ARMC9: variants seen among roughly 807,000 people sequenced by gnomAD.
ARMC9 encodes armadillo repeat containing 9.
Under a neutral mutation model 107.0 loss-of-function variants are expected in ARMC9, and 94 were observed. The observed-to-expected ratio is 0.88, with a 90% CI of 0.74 to 1.04. ARMC9 has a LOEUF of 1.04. Ranked by LOEUF, ARMC9 falls within the 50% of genes least tolerant of loss-of-function variation. The pLI, the probability that ARMC9 is intolerant of heterozygous loss-of-function variation, is 0.00. For missense variants in ARMC9, 942 were observed against 1,030.1 expected (o/e 0.91, Z 1.17); for synonymous variants, 380 against 396.9 (o/e 0.96, Z 0.51).
At chr2:231,279,885 A>G (rs1344584837) in intron 16 of ARMC9, among the ~76,000 whole-genome samples, 2 of 151,950 alleles carry the variant, frequency 1.3e-5, no homozygotes, top group Non-Finnish European at 2.9e-5. Flanking sequence ...CTATCCACTG[A>G]TTGGTGTGAC....
intron 7 of ARMC9, 127 bp downstream of exon 7, chr2:231,226,925 G>A (rs576480425): frequency 2.6e-6 from 3 of 1,136,784 alleles, no homozygotes; most frequent in African/African-American, 3.2e-5. Context: ...TTTATGAAAG[G>A]CTTTGCAGTC....
chr2:231,294,287 C>G (rs967843542), intron 18 of ARMC9: 1 of 152,262 alleles, frequency 6.6e-6, no homozygotes, highest in Admixed American at 6.5e-5. Context: ...AGAGATTTGT[C>G]CCCTGGCTTG....
intron 19 of ARMC9, among the ~76,000 whole-genome samples, chr2:231,307,045 A>G (rs1051974110): frequency 4.6e-5 from 7 of 152,166 alleles, no homozygotes; most frequent in African/African-American, 1.7e-4. Context: ...GCAAACCTCA[A>G]GGTGCCCCTG....
intron 19 of ARMC9, among the ~76,000 whole-genome samples, chr2:231,310,585 G>T (rs1174416928): frequency 2.6e-5 from 4 of 151,906 alleles, no homozygotes; most frequent in Non-Finnish European, 5.9e-5. Context: ...ACAAAAATTA[G>T]CCAGGTGTGG....
chr2:231,259,216 T>A, intron 11 of ARMC9, 114 bp downstream of exon 11: 1 of 912,834 alleles, frequency 1.1e-6, no homozygotes, highest in Non-Finnish European at 1.6e-6. Context: ...TCTTCCCCGC[T>A]GTCTGCTGAC....
chr2:231,370,223 T>A, intron 24 of ARMC9, 98 bp downstream of exon 24: 1 of 1,338,894 alleles, frequency 7.5e-7, no homozygotes. Context: ...TGCTCCTGTG[T>A]GTACCAGGCC....
chr2:231,279,616 T>C (rs1384917276), intron 16 of ARMC9, among the ~76,000 whole-genome samples: 1 of 151,268 alleles, frequency 6.6e-6, no homozygotes, highest in Non-Finnish European at 1.5e-5. Context: ...GTTCAAGCGA[T>C]TCTCCTGCCT....
chr2:231,370,053 C>T lies in ARMC9; in HGVS notation c.2362C>T (p.Leu788=). The change falls in exon 24 of 25, where the codon CTG becomes TTG. Residue 788 remains leucine (L), a synonymous_variant. Transcript: ENST00000611582. ...PKAKASVLAP[L]FSSCGPQQAS... is the part of the protein sequence containing the mutation. ...GGCAAAGGCGTCAGTTCTGGCCCCTCTGTTCTCTTCGTGTGGCCCCCAGCA... is the reference window on the plus strand; with the variant it reads ...GGCAAAGGCGTCAGTTCTGGCCCCTTTGTTCTCTTCGTGTGGCCCCCAGCA... The T allele has an allele frequency of 6.5e-7, 1 of 1,535,578 alleles. No individual in the cohort carries two copies. Among genetic ancestry groups the T allele is most frequent in the Non-Finnish European group, 8.7e-7 (1 of 1,146,612 alleles).
At chr2:231,333,405 C>T (rs1465498666) in intron 20 of ARMC9, among the ~76,000 whole-genome samples, 8 of 152,164 alleles carry the variant, frequency 5.3e-5, no homozygotes, top group Admixed American at 6.5e-5. Context: ...GGGGAACCAC[C>T]GCGAACCCCT....
intron 12 of ARMC9, among the ~76,000 whole-genome samples, chr2:231,270,242 A>G (rs1314038586): frequency 6.6e-6 from 1 of 152,130 alleles, no homozygotes; most frequent in African/African-American, 2.4e-5. Context: ...ATTTTGTTCT[A>G]GAACCCCGGC....
chr2:231,305,388 A>C (rs1236670698), intron 19 of ARMC9, among the ~76,000 whole-genome samples: 1 of 152,262 alleles, frequency 6.6e-6, no homozygotes, highest in Non-Finnish European at 1.5e-5. Flanking sequence ...TAAGTATTTC[A>C]GCCAGTATTA....
At position 231,297,320 on chromosome 2, in the gene ARMC9, C is replaced by G. The variant is rs1394171934; in HGVS notation, c.1773+1067C>G. Among the ~76,000 whole-genome samples the G allele has an allele frequency of 1.3e-5, 2 of 152,132 alleles. No homozygotes were observed. Among genetic ancestry groups the G allele is most frequent in the African/African-American group, 2.4e-5 (1 of 41,424 alleles). On this transcript the variant is annotated intron_variant, in intron 19 of 24. Coordinates refer to ENST00000611582, the MANE Select transcript of ARMC9 (RefSeq NM_001352754.2). This position sits in a 1 kb window ranked among gnomAD's most constrained non-coding sequence, Gnocchi z 4.2. ...CTGGCCCCTATCATCTTCTCCAGGC[C>G]CCTTTGTTTACAAAGGTGGAGGCAG...
At chr2:231,199,867 T>C (rs2030511517) in intron 1 of ARMC9, among the ~76,000 whole-genome samples, 1 of 151,944 alleles carries the variant, frequency 6.6e-6, no homozygotes, top group South Asian at 2.1e-4. Context: ...CCGGCTAATT[T>C]TTGTATTTTT....
intron 8 of ARMC9, among the ~76,000 whole-genome samples, chr2:231,237,984 C>G (rs2035931494): frequency 6.6e-6 from 1 of 151,440 alleles, no homozygotes; most frequent in Non-Finnish European, 1.5e-5. Flanking sequence ...CAGAAAACTC[C>G]AGAAGAAGAG....
intron 16 of ARMC9, among the ~76,000 whole-genome samples, chr2:231,279,475 C>T (rs1396261221): frequency 6.6e-6 from 1 of 151,524 alleles, no homozygotes. Flanking sequence ...CACATCTGTT[C>T]CCATTTCTTT....
rs1172692630 is a variant in ARMC9, at chr2:231,372,497, C to T, written c.*962C>T. 3 of 152,418 alleles carry T rather than the reference C, an allele frequency of 2.0e-5. No individual in the cohort carries two copies. In the East Asian group the frequency reaches 5.8e-4, roughly 29 times the overall value. 9.4% of individuals were successfully genotyped at this position (152,418 alleles called of 1,614,324 possible). A position where few individuals can be genotyped will look rare whatever the true frequency, so the allele number is the denominator to read the frequency against. Reference sequence around the variant, plus strand: ...GGAGCACCCTCTGCCTCCCTCCCTGCACTGGGACCATAAACATAAACAGCT... The same window carrying T: ...GGAGCACCCTCTGCCTCCCTCCCTGTACTGGGACCATAAACATAAACAGCT... On this transcript the variant is annotated 3_prime_UTR_variant, in exon 25 of 25. Coordinates refer to ENST00000611582, the MANE Select transcript of ARMC9 (RefSeq NM_001352754.2).
chr2:231,205,003 G>A (rs1013920034), intron 1 of ARMC9, among the ~76,000 whole-genome samples: 10 of 152,076 alleles, frequency 6.6e-5, no homozygotes, highest in Non-Finnish European at 1.5e-4. Flanking sequence ...TGTTAAAAGT[G>A]TAGAAATTGG....
chr2:231,271,023 G>A lies in ARMC9; in HGVS notation c.1161G>A (p.Val387=). 1.9e-6 allele frequency: 3 copies of A among 1,614,180 alleles called. No homozygotes were observed. The highest frequency in any genetic ancestry group is 1.1e-5 in the South Asian group (1 of 91,084). The change falls in exon 13 of 25, where the codon GTG becomes GTA. Residue 387 remains valine (V), a synonymous_variant. Transcript: ENST00000611582. The part of the protein sequence containing the change: ...LQLLHSTSDV[V]RQYMARLINA... ...TGCTGCACTCCACGAGCGACGTGGT[G>A]CGGCAGTACATGGCCAGGCTCATCA...
chr2:231,296,139 C>G, intron 18 of ARMC9, 59 bp from the exon 19 acceptor site: 1 of 1,363,978 alleles, frequency 7.3e-7, no homozygotes. Context: ...CTGACAGATT[C>G]TGTGGACCAA....
Sources: allele counts gnomAD v4.1 joint callset (sites outside exome capture counted in the v4.1 genomes callset), GRCh38; gene constraint gnomAD v4.1.1; non-coding constraint Gnocchi (gnomAD v3.1); transcripts MANE v1.5; gene names NCBI Gene and HGNC (gene_info 2026-07-23, HGNC 2026-07-21).